The following GABRG3 variants were observed in gnomAD, a reference collection of about 807,000 sequenced individuals.
GABRG3 encodes gamma-aminobutyric acid receptor subunit gamma-3.
Under a neutral mutation model 48.8 loss-of-function variants are expected in GABRG3, and 25 were observed. That is an observed-to-expected ratio of 0.51 (90% CI 0.37 to 0.72). The LOEUF is 0.72. Among genes scored for constraint, GABRG3 ranks in the 30% least tolerant of loss-of-function variants. The pLI is 0.00. For missense variants in GABRG3, 394 were observed against 577.9 expected (o/e 0.68, Z 3.26); for synonymous variants, 227 against 217.6 (o/e 1.04, Z -0.38).
chr15:27,359,138 G>A (rs1430800912), intron 5 of GABRG3, among the ~76,000 whole-genome samples: 1 of 152,094 alleles, frequency 6.6e-6, no homozygotes, highest in Non-Finnish European at 1.5e-5. Flanking sequence ...GAGGCCACCC[G>A]GCCTCAGGCC....
chr15:27,324,120 T>C (rs759677083), intron 3 of GABRG3, among the ~76,000 whole-genome samples: 1 of 152,224 alleles, frequency 6.6e-6, no homozygotes, highest in South Asian at 2.1e-4. Flanking sequence ...GAATATTAGC[T>C]TCTGTCTTTC....
chr15:27,398,814 T>C (rs2140584672), intron 5 of GABRG3, among the ~76,000 whole-genome samples: 1 of 152,288 alleles, frequency 6.6e-6, no homozygotes, highest in South Asian at 2.1e-4. Flanking sequence ...TAGAACGCAG[T>C]AGTCCTTGAA....
At chr15:26,990,133 A>G (rs1895220560) in intron 2 of GABRG3, among the ~76,000 whole-genome samples, 1 of 152,200 alleles carries the variant, frequency 6.6e-6, no homozygotes, top group African/African-American at 2.4e-5. Context: ...TATTTTGGGT[A>G]TATACCCAGC....
intron 3 of GABRG3, among the ~76,000 whole-genome samples, chr15:27,199,286 A>C (rs992083597): frequency 6.6e-6 from 1 of 152,166 alleles, no homozygotes; most frequent in Non-Finnish European, 1.5e-5. Context: ...CTTTTCTTTT[A>C]AATGAATTTG....
At chr15:27,011,964 G>A (rs1895696781) in intron 2 of GABRG3, among the ~76,000 whole-genome samples, 1 of 152,006 alleles carries the variant, frequency 6.6e-6, no homozygotes, top group South Asian at 2.1e-4. Context: ...TTTTCATTGA[G>A]TTCAGTAGTG....
intron 6 of GABRG3, among the ~76,000 whole-genome samples, chr15:27,512,270 T>C (rs1402559668): frequency 1.6e-5 from 2 of 125,918 alleles, no homozygotes; most frequent in Non-Finnish European, 3.4e-5. Context: ...TGCGATGTCA[T>C]TGGTGCATTA....
chr15:27,227,315 AC>A (rs1225089390), intron 3 of GABRG3, among the ~76,000 whole-genome samples: 23 of 152,030 alleles, frequency 1.5e-4, no homozygotes, highest in Non-Finnish European at 7.4e-5. Flanking sequence ...ACATGGCGAA[AC>A]CCTGTCTCCT....
intron 5 of GABRG3, among the ~76,000 whole-genome samples, chr15:27,354,334 A>C (rs958599726): frequency 6.6e-6 from 1 of 152,218 alleles, no homozygotes; most frequent in Admixed American, 6.5e-5. Context: ...GATGGAATTC[A>C]GTGGAGTGCA....
intron 3 of GABRG3, among the ~76,000 whole-genome samples, chr15:27,134,796 T>C (rs1897979277): frequency 1.3e-5 from 2 of 152,204 alleles, no homozygotes; most frequent in African/African-American, 4.8e-5. Flanking sequence ...TTGAATACTC[T>C]TTCCAAAGCA....
intron 3 of GABRG3, among the ~76,000 whole-genome samples, chr15:27,281,090 T>C (rs1034224339): frequency 6.6e-6 from 1 of 152,186 alleles, no homozygotes; most frequent in Admixed American, 6.5e-5. Flanking sequence ...CTGACCTTGG[T>C]AATTCTCTTT....
At chr15:27,016,074 C>T (rs571605376) in intron 2 of GABRG3, among the ~76,000 whole-genome samples, 95 of 151,970 alleles carry the variant, frequency 6.3e-4, no homozygotes, top group African/African-American at 2.2e-3. Context: ...AAATTCTATA[C>T]CTGATTTAAA....
intron 5 of GABRG3, among the ~76,000 whole-genome samples, chr15:27,336,243 A>AAGAAAGAAAG (rs1893968338): frequency 6.7e-6 from 1 of 148,312 alleles, no homozygotes; most frequent in Non-Finnish European, 1.5e-5. Flanking sequence ...AGGAGAAGAA[A>AAGAAAGAAAG]AGAAAGAAAG....
At chr15:27,374,585 G>GT in intron 5 of GABRG3, among the ~76,000 whole-genome samples, 1 of 152,280 alleles carries the variant, frequency 6.6e-6, no homozygotes, top group South Asian at 2.1e-4. Flanking sequence ...TTAAGTGTGG[G>GT]TTTGTGCAGA....
chr15:27,483,285 C>T (rs969950004), intron 6 of GABRG3: 7 of 152,176 alleles, frequency 4.6e-5, no homozygotes, highest in African/African-American at 7.2e-5. Flanking sequence ...ATTCTTTCCA[C>T]GTCCTTCTAA....
intron 3 of GABRG3, among the ~76,000 whole-genome samples, chr15:27,275,547 G>A (rs1891224677): frequency 6.6e-6 from 1 of 152,042 alleles, no homozygotes; most frequent in Non-Finnish European, 1.5e-5. Flanking sequence ...CCCCCTCTTG[G>A]GATATACGTG....
intron 3 of GABRG3, among the ~76,000 whole-genome samples, chr15:27,093,039 CG>C (rs1897216744): frequency 6.6e-6 from 1 of 152,174 alleles, no homozygotes; most frequent in African/African-American, 2.4e-5. Flanking sequence ...CCCTACCCCA[CG>C]GACTCCTCTA....
intron 6 of GABRG3, among the ~76,000 whole-genome samples, chr15:27,501,448 C>A (rs1463650863): frequency 2.6e-5 from 4 of 152,060 alleles, no homozygotes; most frequent in Non-Finnish European, 5.9e-5. Flanking sequence ...TTCGAGGCTG[C>A]CTTTTAGAGC....
intron 6 of GABRG3, among the ~76,000 whole-genome samples, chr15:27,505,060 T>G (rs1890730296): frequency 6.6e-6 from 1 of 152,196 alleles, no homozygotes; most frequent in African/African-American, 2.4e-5. Flanking sequence ...GTATTTTTTC[T>G]GTTCTAGGAT....
chr15:27,529,449 G>GCC (rs11367676), intron 9 of GABRG3, among the ~76,000 whole-genome samples: 1 of 151,800 alleles, frequency 6.6e-6, no homozygotes, highest in African/African-American at 2.4e-5. Flanking sequence ...AATGTTTCAA[G>GCC]CCCCCCCATA....
Sources: allele counts gnomAD v4.1 joint callset (sites outside exome capture counted in the v4.1 genomes callset), GRCh38; gene constraint gnomAD v4.1.1; transcripts MANE v1.5; gene names NCBI Gene and HGNC (gene_info 2026-07-23, HGNC 2026-07-21).